SLC39A9: variants seen among roughly 807,000 people sequenced by gnomAD.
SLC39A9 encodes the protein zinc transporter ZIP9.
In SLC39A9, 14 loss-of-function variants were observed where a neutral mutation model predicts 28.4. The ratio of observed to expected loss-of-function variants is 0.49; its 90% confidence interval spans 0.33 to 0.77. SLC39A9 has a LOEUF of 0.77. Among genes scored for constraint, SLC39A9 ranks in the 30% least tolerant of loss-of-function variants. SLC39A9 has a pLI of 0.02. For synonymous variants in SLC39A9, 119 were observed against 149.6 expected (o/e 0.80, Z 1.49); for missense variants, 283 against 381.1 (o/e 0.74, Z 2.14).
chr14:69,437,604 T>G (rs1884834982), intron 2 of SLC39A9, among the ~76,000 whole-genome samples: 1 of 151,992 alleles, frequency 6.6e-6, no homozygotes, highest in Non-Finnish European at 1.5e-5. Flanking sequence ...GTTTTTTTTT[T>G]TTTGAGACGG....
At chr14:69,433,556 C>T (rs955585466) in intron 2 of SLC39A9, among the ~76,000 whole-genome samples, 1 of 152,136 alleles carries the variant, frequency 6.6e-6, no homozygotes, top group African/African-American at 2.4e-5. Flanking sequence ...AATTTGCAAT[C>T]TTGGCCTGGC....
Position 69,458,647 on chromosome 14 carries a change from C to A in SLC39A9, c.*54C>A. ...CCGTTTGCCATCCAGTGAGAACAGC[C>A]GGCACGTGACAGCTACTCACTTCCT... On this transcript the variant is annotated 3_prime_UTR_variant, in exon 7 of 7. Coordinates refer to ENST00000336643, the MANE Select transcript of SLC39A9 (RefSeq NM_018375.5). 1 of 1,508,096 alleles carries A rather than the reference C, an allele frequency of 6.6e-7. No homozygotes were observed. The highest frequency in any genetic ancestry group is 2.4e-5 in the East Asian group (1 of 41,080). 93.4% of individuals were successfully genotyped at this position (1,508,096 alleles called of 1,614,324 possible). A position where few individuals can be genotyped will look rare whatever the true frequency, so the allele number is the denominator to read the frequency against.
chr14:69,402,556 GT>G (rs1882696022), intron 1 of SLC39A9, among the ~76,000 whole-genome samples: 1 of 151,954 alleles, frequency 6.6e-6, no homozygotes. Context: ...CCACCAAGAG[GT>G]TTATGTGACA....
intron 3 of SLC39A9, among the ~76,000 whole-genome samples, chr14:69,449,798 A>G (rs532775804): frequency 6.6e-6 from 1 of 152,186 alleles, no homozygotes; most frequent in South Asian, 2.1e-4. Flanking sequence ...GTGTTCTCTG[A>G]TCCTGGGAAG....
At chr14:69,456,167 C>A (rs1885849633) in intron 6 of SLC39A9, among the ~76,000 whole-genome samples, 1 of 152,160 alleles carries the variant, frequency 6.6e-6, no homozygotes, top group Non-Finnish European at 1.5e-5. Context: ...CTTCATTTGA[C>A]AGATATCTAA....
chr14:69,430,284 G>A (rs1160443172), intron 2 of SLC39A9, among the ~76,000 whole-genome samples: 2 of 152,158 alleles, frequency 1.3e-5, no homozygotes, highest in African/African-American at 4.8e-5. Flanking sequence ...AATTCACAAA[G>A]TTATTCTCTT....
intron 2 of SLC39A9, among the ~76,000 whole-genome samples, chr14:69,438,286 G>T (rs1884878023): frequency 2.0e-5 from 3 of 152,148 alleles, no homozygotes; most frequent in Admixed American, 2.0e-4. Flanking sequence ...CGCCCAAAGT[G>T]CTGGGATTAC....
chr14:69,412,266 A>G (rs866043429), intron 1 of SLC39A9, among the ~76,000 whole-genome samples: 20 of 151,570 alleles, frequency 1.3e-4, no homozygotes, highest in Middle Eastern at 6.8e-3. Context: ...GCGGGCGCCT[A>G]TAGTCCCAGC....
chr14:69,416,074 C>T (rs1566910365), intron 1 of SLC39A9, among the ~76,000 whole-genome samples: 1 of 152,058 alleles, frequency 6.6e-6, no homozygotes, highest in Non-Finnish European at 1.5e-5. Context: ...TCCCCCAGCC[C>T]CCACCCCACG....
At chr14:69,435,990 G>C (rs1222225755) in intron 2 of SLC39A9, among the ~76,000 whole-genome samples, 1 of 151,904 alleles carries the variant, frequency 6.6e-6, no homozygotes, top group Non-Finnish European at 1.5e-5. Flanking sequence ...GTCTATTATT[G>C]ATCTCATCCA....
intron 3 of SLC39A9, among the ~76,000 whole-genome samples, chr14:69,443,380 G>T (rs1045964348): frequency 6.6e-5 from 10 of 152,206 alleles, no homozygotes; most frequent in Admixed American, 6.5e-4. Context: ...TCCATCACAT[G>T]AGCATCTGCA....
intron 1 of SLC39A9, among the ~76,000 whole-genome samples, chr14:69,422,617 C>T (rs1022284451): frequency 1.3e-5 from 2 of 152,132 alleles, no homozygotes; most frequent in Non-Finnish European, 2.9e-5. Context: ...TGGAATCTTG[C>T]TCTGTCACCC....
chr14:69,412,632 G>A (rs572495293), intron 1 of SLC39A9, among the ~76,000 whole-genome samples: 1 of 152,196 alleles, frequency 6.6e-6, no homozygotes, highest in East Asian at 1.9e-4. Flanking sequence ...TTGCTTGGTG[G>A]TGGGCATTTA....
chr14:69,419,460 A>G (rs1179907579), intron 1 of SLC39A9, among the ~76,000 whole-genome samples: 1 of 152,220 alleles, frequency 6.6e-6, no homozygotes, highest in East Asian at 1.9e-4. Flanking sequence ...TGTGGTGCTG[A>G]GAACAATGTA....
intron 1 of SLC39A9, among the ~76,000 whole-genome samples, chr14:69,403,291 C>G (rs1882738636): frequency 1.3e-5 from 2 of 152,002 alleles, no homozygotes; most frequent in South Asian, 4.2e-4. Flanking sequence ...CCTATATTAC[C>G]TAGTATAAAC....
At position 69,442,050 on chromosome 14, in the gene SLC39A9, A is replaced by T. The variant is rs772256217; in HGVS notation, c.206-19A>T. On this transcript the variant is annotated intron_variant, in intron 2 of 6. Transcript: ENST00000336643. ...TAGGGGAAAAACATATTTTCTCTTT[A>T]TGGTTTATTCTGCTCTAGGAAAACA... The T allele has an allele frequency of 3.1e-6, 5 of 1,605,370 alleles. No individual in the cohort carries two copies. Among genetic ancestry groups the T allele is most frequent in the Non-Finnish European group, 4.3e-6 (5 of 1,175,926 alleles).
intron 1 of SLC39A9, among the ~76,000 whole-genome samples, chr14:69,403,031 G>A (rs972623394): frequency 2.0e-5 from 3 of 151,976 alleles, no homozygotes; most frequent in East Asian, 1.9e-4. Flanking sequence ...GCAGTGAGCC[G>A]AGTCCCACCA....
chr14:69,433,828 CA>C lies in SLC39A9; in HGVS notation c.206-8240del, dbSNP rs571223634. Among the ~76,000 whole-genome samples the C allele has an allele frequency of 2.1e-3, 324 of 152,164 alleles. 2 individuals are homozygous for C. The highest frequency in any genetic ancestry group is 7.6e-3 in the African/African-American group (315 of 41,514). On this transcript the variant is annotated intron_variant, in intron 2 of 6. Transcript: ENST00000336643. The stretch of plus-strand genomic sequence containing the variant: ...TGAGGCAGGGTCTCACTTTGTCGCC[CA>C]GGCTGGGTACAGTGGCACAGTCTCA...
chr14:69,455,003 T>C lies in SLC39A9; in HGVS notation c.558+106T>C, dbSNP rs542142508. ...GAATGGGAACATTTTCTTCATTTCATAATTGCTATTCATTTTGGAAAATTG... is the reference window on the plus strand; with the variant it reads ...GAATGGGAACATTTTCTTCATTTCACAATTGCTATTCATTTTGGAAAATTG... On this transcript the variant is annotated intron_variant, in intron 5 of 6. Transcript: ENST00000336643. 62 of 778,922 alleles carry C rather than the reference T, an allele frequency of 8.0e-5. 1 individual carries two copies. In the East Asian group the frequency reaches 1.5e-3, roughly 19 times the overall value. The allele number at this position is 778,922 out of a possible 1,614,324, so 48.3% of individuals were successfully genotyped here.
Sources: gnomAD v4.1 joint callset for allele counts (sites outside exome capture counted in the v4.1 genomes callset) on GRCh38, gnomAD v4.1.1 for gene constraint, MANE v1.5 for transcripts, NCBI Gene and HGNC (gene_info 2026-07-23, HGNC 2026-07-21) for gene names.